The following NRCAM variants were observed in gnomAD, a reference collection of about 807,000 sequenced individuals.
The protein encoded by NRCAM is neuronal cell adhesion molecule, also known as NgCAM-related cell adhesion molecule.
In NRCAM, 83 loss-of-function variants were observed where a neutral mutation model predicts 156.5. The observed-to-expected ratio is 0.53, with a 90% CI of 0.44 to 0.64. The LOEUF is 0.64. NRCAM is among the 30% of genes least tolerant of loss of function. The pLI is 0.00. For synonymous variants in NRCAM, 538 were observed against 563.9 expected, an observed-to-expected ratio of 0.95 and a Z score of 0.65; for missense variants, 1,417 against 1,597.3, an observed-to-expected ratio of 0.89 and a Z score of 1.92.
At chr7:108,169,838 C>A (rs764160380) in intron 28 of NRCAM, among the ~76,000 whole-genome samples, 55 of 152,078 alleles carry the variant, frequency 3.6e-4, no homozygotes, top group Non-Finnish European at 5.7e-4. Context: ...AATATTGAAA[C>A]AGGAATTTAA....
At chr7:108,193,485 C>T (rs1300189723) in intron 17 of NRCAM, among the ~76,000 whole-genome samples, 1 of 152,192 alleles carries the variant, frequency 6.6e-6, no homozygotes, top group African/African-American at 2.4e-5. Context: ...AATGCCATGA[C>T]CTTTCTTCCA....
chr7:108,387,997 T>C (rs547655214), intron 2 of NRCAM, among the ~76,000 whole-genome samples: 1 of 152,196 alleles, frequency 6.6e-6, no homozygotes, highest in East Asian at 1.9e-4. Context: ...TTTGCTATTG[T>C]GAATAGTGCT....
intron 32 of NRCAM, among the ~76,000 whole-genome samples, chr7:108,152,906 A>G (rs1392863988): frequency 6.6e-6 from 1 of 152,174 alleles, no homozygotes; most frequent in Non-Finnish European, 1.5e-5. Context: ...TAGAGCCAAC[A>G]GGATTTTCTG....
At chr7:108,321,231 A>C (rs114406984) in intron 2 of NRCAM, among the ~76,000 whole-genome samples, 14 of 152,316 alleles carry the variant, frequency 9.2e-5, no homozygotes, top group African/African-American at 3.4e-4. Flanking sequence ...GCCATGTTTT[A>C]TTATAACCTA....
intron 3 of NRCAM, among the ~76,000 whole-genome samples, chr7:108,285,133 G>A (rs2098038638): frequency 6.6e-6 from 1 of 152,184 alleles, no homozygotes; most frequent in Non-Finnish European, 1.5e-5. Flanking sequence ...TGAGCTCTAA[G>A]TCCACCCAAT....
At chr7:108,183,546 TTC>T (rs1270594546) in intron 22 of NRCAM, among the ~76,000 whole-genome samples, 22 of 151,084 alleles carry the variant, frequency 1.5e-4, no homozygotes, top group East Asian at 1.9e-4. Flanking sequence ...CTCTTTTTTT[TTC>T]TTTTTGGAGA....
intron 3 of NRCAM, among the ~76,000 whole-genome samples, chr7:108,271,984 T>A (rs1447623808): frequency 6.6e-6 from 1 of 152,178 alleles, no homozygotes; most frequent in Admixed American, 6.5e-5. Context: ...TTTTATCCCC[T>A]CAAGTAAGAC....
intron 3 of NRCAM, among the ~76,000 whole-genome samples, chr7:108,305,559 G>C (rs1405951587): frequency 6.6e-6 from 1 of 152,096 alleles, no homozygotes; most frequent in Non-Finnish European, 1.5e-5. Flanking sequence ...CTCCGTGTTG[G>C]ACTGTCCTCT....
At chr7:108,162,875 A>G (rs1039058417) in intron 30 of NRCAM, among the ~76,000 whole-genome samples, 2 of 152,258 alleles carry the variant, frequency 1.3e-5, no homozygotes, top group Non-Finnish European at 2.9e-5. Flanking sequence ...ATTTCTATTG[A>G]CTTTCCATCC....
intron 2 of NRCAM, among the ~76,000 whole-genome samples, chr7:108,363,310 G>T (rs550691053): frequency 1.3e-5 from 2 of 152,162 alleles, no homozygotes; most frequent in East Asian, 3.9e-4. Flanking sequence ...TTCTCACTCT[G>T]TTGCTCAGGC....
chr7:108,185,655 G>A (rs1397628286), intron 20 of NRCAM, among the ~76,000 whole-genome samples: 3 of 150,966 alleles, frequency 2.0e-5, no homozygotes, highest in Non-Finnish European at 4.4e-5. Context: ...GAAAGTCAAG[G>A]CTGCAGTGAA....
At chr7:108,158,953 A>AT (rs1180705592) in intron 32 of NRCAM, among the ~76,000 whole-genome samples, 1 of 152,196 alleles carries the variant, frequency 6.6e-6, no homozygotes, top group African/African-American at 2.4e-5. Flanking sequence ...GGGCTACGAC[A>AT]TTTCTTAATA....
intron 2 of NRCAM, among the ~76,000 whole-genome samples, chr7:108,362,925 C>T (rs937251037): frequency 2.6e-5 from 4 of 152,012 alleles, no homozygotes; most frequent in African/African-American, 9.7e-5. Context: ...AACCAGGGTT[C>T]CTTGGAAAAA....
intron 3 of NRCAM, among the ~76,000 whole-genome samples, chr7:108,271,691 G>A (rs1452116963): frequency 6.2e-5 from 9 of 146,068 alleles, no homozygotes; most frequent in East Asian, 4.2e-4. Flanking sequence ...GAGACTCCAC[G>A]TCAAAAAAAA....
At chr7:108,310,961 C>T (rs770731087) in intron 3 of NRCAM, among the ~76,000 whole-genome samples, 14 of 152,030 alleles carry the variant, frequency 9.2e-5, no homozygotes, top group Admixed American at 3.3e-4. Context: ...ACCCTTCACA[C>T]GATGGAAGAA....
intron 32 of NRCAM, among the ~76,000 whole-genome samples, chr7:108,152,777 G>A (rs1254510456): frequency 6.6e-6 from 1 of 152,156 alleles, no homozygotes; most frequent in African/African-American, 2.4e-5. Flanking sequence ...GCCAACCTCT[G>A]CTCTATAGAG....
chr7:108,181,618 T>TTG (rs1395859302), intron 24 of NRCAM, among the ~76,000 whole-genome samples: 2 of 151,674 alleles, frequency 1.3e-5, no homozygotes, highest in East Asian at 3.9e-4. Context: ...GAGAAAACTT[T>TTG]TTTTTTTTTT....
At chr7:108,189,021 A>G (rs2069241849) in intron 20 of NRCAM, among the ~76,000 whole-genome samples, 1 of 146,672 alleles carries the variant, frequency 6.8e-6, no homozygotes, top group Admixed American at 7.1e-5. Flanking sequence ...CCTATAGTCT[A>G]ATTTTATTAT....
At chr7:108,218,968 T>C (rs1348950480) in intron 11 of NRCAM, among the ~76,000 whole-genome samples, 1 of 152,118 alleles carries the variant, frequency 6.6e-6, no homozygotes, top group Non-Finnish European at 1.5e-5. Flanking sequence ...TTAGCAAGAT[T>C]AACCAAGAAA....
Sources: gnomAD v4.1 joint callset for allele counts (sites outside exome capture counted in the v4.1 genomes callset) on GRCh38, gnomAD v4.1.1 for gene constraint, MANE v1.5 for transcripts, NCBI Gene and HGNC (gene_info 2026-07-23, HGNC 2026-07-21) for gene names.